ZAP70: variants seen among roughly 807,000 people sequenced by gnomAD.
ZAP70 encodes tyrosine-protein kinase ZAP-70.
Under a neutral mutation model 65.8 loss-of-function variants are expected in ZAP70, and 27 were observed. The observed-to-expected ratio is 0.41, with a 90% confidence interval of 0.30 to 0.57. The LOEUF is 0.57. ZAP70 is among the 20% of genes least tolerant of loss of function. The pLI is 0.28. For synonymous variants in ZAP70, 363 were observed against 360.8 expected (o/e 1.01, Z -0.07); for missense variants, 696 against 870.5 (o/e 0.80, Z 2.52).
chr2:97,732,712 C>G (rs1183975583), intron 4 of ZAP70, 171 bp from the exon 5 acceptor site: 9 of 924,408 alleles, frequency 9.7e-6, no homozygotes, highest in African/African-American at 1.7e-5. Flanking sequence ...CTTGGCCCAT[C>G]ATCAGCAGAT....
In ZAP70 at chr2:97,734,717, GGCCGCCCCT is replaced by G. The variant is rs755585715; in HGVS notation, c.1082+10_1082+18del. ...GGGCGTGTACCGCATGCGCAAGTAT[GGCCGCCCCT>G]GCCGTGGTGGGAGCACCGCCGCCTG... On this transcript the variant is annotated splice_donor_region_variant and intron_variant, in intron 9 of 13. Transcript: ENST00000264972. 6.2e-7 allele frequency: 1 copy of G among 1,613,348 alleles called. No individual in the cohort carries two copies. The highest frequency in any genetic ancestry group is 2.2e-5 in the East Asian group (1 of 44,886).
chr2:97,735,164 G>C, intron 9 of ZAP70, 86 bp from the exon 10 acceptor site: 1 of 1,531,902 alleles, frequency 6.5e-7, no homozygotes, highest in Non-Finnish European at 9.0e-7. Flanking sequence ...CAACTCAAGG[G>C]AGAAGAGAGA....
chr2:97,719,558 G>GA (rs375311739), intron 2 of ZAP70, among the ~76,000 whole-genome samples: 1 of 151,060 alleles, frequency 6.6e-6, no homozygotes, highest in East Asian at 2.0e-4. Context: ...CAGCCTGGGG[G>GA]GGGGGCGCAG....
the ZAP70 span, among the ~76,000 whole-genome samples, chr2:97,747,815 G>GTTTTTTTTTTTTTTTTTTTTT: frequency 3.7e-5 from 2 of 54,746 alleles, no homozygotes; most frequent in African/African-American, 8.8e-5. Context: ...CTGGCACGAG[G>GTTTTTTTTTTTTTTTTTTTTT]TTTTTTTTTT....
chr2:97,726,177 G>A lies in ZAP70; in HGVS notation c.563+925G>A, dbSNP rs181657841. 8.2e-4 allele frequency among the ~76,000 whole-genome samples: 125 copies of A among 152,308 alleles called. 1 individual carries two copies. The highest frequency in any genetic ancestry group is 2.7e-3 in the African/African-American group (111 of 41,560). On this transcript the variant is annotated intron_variant, in intron 4 of 13. Transcript: ENST00000264972. ...AGCTTTTATATGTGGGTGAACGTGC[G>A]TGTCTGAGCCACAGCTGAGGCCATG...
the ZAP70 span, among the ~76,000 whole-genome samples, chr2:97,746,831 G>T: frequency 6.6e-6 from 1 of 152,136 alleles, no homozygotes. Context: ...ATATATTGGG[G>T]AAGAATCTAA....
At chr2:97,742,429 C>T (rs541551792), downstream of ZAP70, among the ~76,000 whole-genome samples, 1 of 152,260 alleles carries the variant, frequency 6.6e-6, no homozygotes, top group Non-Finnish European at 1.5e-5. Flanking sequence ...TGGCCTCATG[C>T]CCAGCACAGA....
intron 4 of ZAP70, among the ~76,000 whole-genome samples, chr2:97,726,294 T>C (rs760094591): frequency 6.6e-6 from 1 of 152,244 alleles, no homozygotes; most frequent in Non-Finnish European, 1.5e-5. Context: ...CTGGGGCTGT[T>C]GCTCTCTGGT....
chr2:97,738,075 G>A lies in ZAP70; in HGVS notation c.1704G>A (p.Leu568=). 6.2e-7 allele frequency: 1 copy of A among 1,609,162 alleles called. No homozygotes were observed. The highest frequency in any genetic ancestry group is 8.5e-7 in the Non-Finnish European group (1 of 1,177,510). ...GCCCACCAGAGTGTCCACCCGAACT[G>A]TACGCACTCATGAGTGACTGCTGGA... ...MECPPECPPE[L]YALMSDCWIY... Residue 568 remains leucine (L), a synonymous_variant, in exon 13 of 14, where the codon CTG becomes CTA. Transcript: ENST00000264972.
the ZAP70 span, among the ~76,000 whole-genome samples, chr2:97,746,496 G>A: frequency 6.6e-6 from 1 of 152,130 alleles, no homozygotes; most frequent in African/African-American, 2.4e-5. Flanking sequence ...TTTAAGTTTT[G>A]GCTTCAGCAA....
At position 97,738,079 on chromosome 2, in the gene ZAP70, G is replaced by A. The variant is rs572839729; in HGVS notation, c.1708G>A (p.Ala570Thr). 17 of 1,607,412 alleles carry A rather than the reference G, an allele frequency of 1.1e-5. No individual in the cohort carries two copies. The highest frequency in any genetic ancestry group is 5.1e-5 in the Admixed American group (3 of 58,860). The change falls in exon 13 of 14, where the codon GCA becomes ACA. Residue 570 changes from alanine to threonine, a missense_variant. Ala to Thr is a moderately conservative substitution (Grantham distance 58, BLOSUM62 0). Around this residue, in one of 3 missense-constraint regions of ZAP70, gnomAD observed 78 missense variants for 88.6 expected, o/e 0.88. Transcript: ENST00000264972. The part of the protein sequence containing the change: ...CPPECPPELY[A>T]LMSDCWIYKW... ...ACCAGAGTGTCCACCCGAACTGTAC[G>A]CACTCATGAGTGACTGCTGGATCTA...
At position 97,724,340 on chromosome 2, in the gene ZAP70, T is replaced by A. The variant is rs1414958584; in HGVS notation, c.304T>A (p.Cys102Ser). The A allele has an allele frequency of 6.4e-7, 1 of 1,565,808 alleles. No homozygotes were observed. Among genetic ancestry groups the A allele is most frequent in the South Asian group, 1.1e-5 (1 of 87,074 alleles). ...DGLPCNLRKPCNRPSGLEPQP... is the reference protein window; with the variant it reads ...DGLPCNLRKPSNRPSGLEPQP... The stretch of plus-strand genomic sequence containing the variant: ...GCTGCCCTGCAACCTGCGCAAGCCG[T>A]GCAACCGGCCGTCGGGCCTCGAGCC... The change falls in exon 3 of 14, where the codon TGC becomes AGC. Residue 102 changes from cysteine to serine, a missense_variant. Coordinates refer to ENST00000264972, the MANE Select transcript of ZAP70 (RefSeq NM_001079.4).
chr2:97,737,880 G>A lies in ZAP70; in HGVS notation c.1606G>A (p.Gly536Ser), dbSNP rs776602738. ...GVTMWEALSY[G>S]QKPYKKMKGP... ...CACCATGTGGGAGGCCTTGTCCTAC[G>A]GCCAGAAGCCCTACAAGGCAGGCGC... is the stretch of plus-strand genomic sequence containing the variant. The change falls in exon 12 of 14, where the codon GGC becomes AGC. Residue 536 changes from glycine to serine, a missense_variant. Gly to Ser is a moderately conservative substitution (Grantham distance 56). This residue lies in a region of ZAP70 where 67 missense variants were observed against 151.9 expected (regional missense o/e 0.44). Coordinates refer to ENST00000264972, the MANE Select transcript of ZAP70 (RefSeq NM_001079.4). This position sits in a 1 kb window ranked among gnomAD's most constrained non-coding sequence, Gnocchi z 5.0. The A allele has an allele frequency of 4.3e-6, 7 of 1,614,128 alleles. No individual in the cohort carries two copies. Among genetic ancestry groups the A allele is most frequent in the East Asian group, 4.5e-5 (2 of 44,882 alleles).
At chr2:97,723,496 A>G (rs1431922358) in intron 2 of ZAP70, among the ~76,000 whole-genome samples, 2 of 152,246 alleles carry the variant, frequency 1.3e-5, no homozygotes, top group Non-Finnish European at 2.9e-5. Flanking sequence ...GGAGAAGGTG[A>G]CCATCCTAGC....
chr2:97,717,995 T>G (rs1453413905), intron 2 of ZAP70, among the ~76,000 whole-genome samples: 1 of 152,180 alleles, frequency 6.6e-6, no homozygotes, highest in Non-Finnish European at 1.5e-5. Flanking sequence ...CCAGGGGCTG[T>G]AAGTTCTGGG....
intron 2 of ZAP70, among the ~76,000 whole-genome samples, chr2:97,716,856 AC>A (rs1471431047): frequency 6.6e-6 from 1 of 152,084 alleles, no homozygotes; most frequent in Non-Finnish European, 1.5e-5. Context: ...AGCAAGTCTC[AC>A]CCCAGGGAGT....
the ZAP70 span, among the ~76,000 whole-genome samples, chr2:97,754,764 C>A: frequency 6.6e-6 from 1 of 152,162 alleles, no homozygotes; most frequent in African/African-American, 2.4e-5. Flanking sequence ...GAGCTTTACA[C>A]GTCATTATCT....
Position 97,732,913 on chromosome 2 carries a change from C to T in ZAP70, c.594C>T (p.Tyr198=), listed in dbSNP as rs144360023. 1.1e-4 allele frequency: 175 copies of T among 1,614,028 alleles called. No individual in the cohort carries two copies. Among genetic ancestry groups the T allele is most frequent in the Admixed American group, 2.0e-4 (12 of 60,030 alleles). Residue 198 remains tyrosine, a synonymous_variant, in exon 5 of 14, where the codon TAC becomes TAT. Coordinates refer to ENST00000264972, the MANE Select transcript of ZAP70 (RefSeq NM_001079.4). ...GGCCGCGGAAGGAGCAGGGCACATA[C>T]GCCCTGTCCCTCATCTATGGGAAGA... is the stretch of plus-strand genomic sequence containing the variant. ...LLRPRKEQGT[Y]ALSLIYGKTV...
chr2:97,745,834 G>T, the ZAP70 span, among the ~76,000 whole-genome samples: 1 of 152,220 alleles, frequency 6.6e-6, no homozygotes, highest in African/African-American at 2.4e-5. Flanking sequence ...TTGAAAACAA[G>T]GTCTCAGATA....
Sources: allele counts gnomAD v4.1 joint callset (sites outside exome capture counted in the v4.1 genomes callset), GRCh38; gene constraint gnomAD v4.1.1; regional missense constraint gnomAD v4.1.1; non-coding constraint Gnocchi (gnomAD v3.1); transcripts MANE v1.5; gene names NCBI Gene and HGNC (gene_info 2026-07-23, HGNC 2026-07-21).